ZFHX3: variants seen among roughly 807,000 people sequenced by gnomAD.
ZFHX3 encodes zinc finger homeobox 3.
ZFHX3 carries 42 observed loss-of-function variants against 279.1 expected under a neutral mutation model. The observed-to-expected ratio is 0.15, with a 90% confidence interval of 0.12 to 0.19. The LOEUF (loss-of-function observed/expected upper bound fraction) is 0.19, where lower values mean the gene tolerates loss of function less well. Among genes scored for constraint, ZFHX3 ranks in the 10% least tolerant of loss-of-function variants. The pLI is 1.00. For synonymous variants in ZFHX3, 2,293 were observed against 1,957.8 expected (o/e 1.17, Z -4.52); for missense variants, 4,981 against 4,754.0 (o/e 1.05, Z -1.40).
intron 3 of ZFHX3, among the ~76,000 whole-genome samples, chr16:73,318,753 A>G (rs967534679): frequency 1.3e-5 from 2 of 152,206 alleles, no homozygotes; most frequent in South Asian, 2.1e-4. Flanking sequence ...AACTAACGGT[A>G]TAATATCTTT....
intron 1 of ZFHX3, among the ~76,000 whole-genome samples, chr16:73,020,375 T>TAC (rs1222324766): frequency 6.8e-6 from 1 of 148,062 alleles, no homozygotes; most frequent in Non-Finnish European, 1.5e-5. Flanking sequence ...AGTAAAGACA[T>TAC]ACTTCTGATT....
At chr16:73,696,992 C>G (rs1011302600) in intron 1 of ZFHX3, among the ~76,000 whole-genome samples, 1 of 150,996 alleles carries the variant, frequency 6.6e-6, no homozygotes, top group Non-Finnish European at 1.5e-5. Flanking sequence ...AAAAGGGACA[C>G]GATAGTTAAT....
At chr16:73,105,423 A>G (rs112426385) in intron 7 of ZFHX3, among the ~76,000 whole-genome samples, 1 of 116,526 alleles carries the variant, frequency 8.6e-6, no homozygotes, top group African/African-American at 4.2e-5. Flanking sequence ...ACACACATAT[A>G]TATATATATA....
intron 1 of ZFHX3, among the ~76,000 whole-genome samples, chr16:73,727,849 G>A (rs932897812): frequency 6.6e-6 from 1 of 152,160 alleles, no homozygotes; most frequent in African/African-American, 2.4e-5. Flanking sequence ...TGGTCAAGGA[G>A]AAACCCCATT....
upstream of ZFHX3, among the ~76,000 whole-genome samples, chr16:73,048,860 G>T (rs1482649312): frequency 6.6e-6 from 1 of 152,168 alleles, no homozygotes; most frequent in Non-Finnish European, 1.5e-5. Context: ...GAAAAGGAGA[G>T]ATCACTAGAA....
rs557765951 is a variant in ZFHX3 at position 73,121,678 on chromosome 16, C to T, written c.-897+9290G>A. Among the ~76,000 whole-genome samples, 12 of 149,928 alleles carry T rather than the reference C, an allele frequency of 8.0e-5. No individual in the cohort carries two copies. The South Asian group carries it at 2.3e-3, about 29-fold the overall frequency. On this transcript the variant is annotated intron_variant, in intron 7 of 17. Transcript: ENST00000641206. ...TTGCCCAGGCTGGAGTGCAGTGGCTCGATCTCGGCTCACTGCAAGCTCTGC... is the reference window on the plus strand; with the variant it reads ...TTGCCCAGGCTGGAGTGCAGTGGCTTGATCTCGGCTCACTGCAAGCTCTGC...
chr16:73,739,224 G>C (rs1203009379), intron 1 of ZFHX3, among the ~76,000 whole-genome samples: 1 of 152,238 alleles, frequency 6.6e-6, no homozygotes, highest in Non-Finnish European at 1.5e-5. Context: ...ATACACAGGA[G>C]TTGTGCATTT....
At chr16:73,026,192 C>CAAAAAAAAAAAAA (rs60146795) in intron 1 of ZFHX3, among the ~76,000 whole-genome samples, 5 of 47,488 alleles carry the variant, frequency 1.1e-4, no homozygotes, top group Non-Finnish European at 1.5e-4. Context: ...ACAAAAAATA[C>CAAAAAAAAAAAAA]AAAAAAAAAA....
intron 3 of ZFHX3, among the ~76,000 whole-genome samples, chr16:73,452,524 T>C (rs944173103): frequency 2.0e-5 from 3 of 152,180 alleles, no homozygotes; most frequent in Non-Finnish European, 4.4e-5. Flanking sequence ...GCCAAAAATA[T>C]TGTCTTGTGA....
chr16:73,532,570 G>A (rs905493912), intron 2 of ZFHX3, among the ~76,000 whole-genome samples: 1 of 152,180 alleles, frequency 6.6e-6, no homozygotes, highest in African/African-American at 2.4e-5. Context: ...TGGTACATAA[G>A]AGGAGGGCTG....
At chr16:73,720,779 T>C (rs2053466508) in intron 1 of ZFHX3, among the ~76,000 whole-genome samples, 1 of 151,870 alleles carries the variant, frequency 6.6e-6, no homozygotes, top group East Asian at 1.9e-4. Context: ...CAACAAACGA[T>C]TACTGATAAT....
chr16:73,636,835 ATTAATCTATAACT>A (rs2052531068), intron 2 of ZFHX3, among the ~76,000 whole-genome samples: 1 of 152,224 alleles, frequency 6.6e-6, no homozygotes, highest in Non-Finnish European at 1.5e-5. Flanking sequence ...TTTCATGTAA[ATTAATCTATAACT>A]TTAGTATCAC....
chr16:73,216,981 C>T (rs920362309), intron 5 of ZFHX3, among the ~76,000 whole-genome samples: 3 of 152,140 alleles, frequency 2.0e-5, no homozygotes, highest in African/African-American at 7.2e-5. Context: ...CTTAAGTTCT[C>T]CCTTAGGATT....
At chr16:72,833,413 T>C (rs2037113086) in intron 4 of ZFHX3, among the ~76,000 whole-genome samples, 1 of 152,088 alleles carries the variant, frequency 6.6e-6, no homozygotes, top group Non-Finnish European at 1.5e-5. Flanking sequence ...GGCTGCAGAT[T>C]TTTTTCCCCT....
chr16:72,812,152 C>A, intron 5 of ZFHX3, 114 bp from the exon 6 acceptor site: 1 of 1,403,904 alleles, frequency 7.1e-7, no homozygotes, highest in East Asian at 2.5e-5. Context: ...CTTAAAACAC[C>A]AAAATTCAAG....
chr16:72,798,863 GAGCGCCT>G, intron 8 of ZFHX3, 149 bp from the exon 9 acceptor site: 1 of 1,371,170 alleles, frequency 7.3e-7, no homozygotes, highest in Non-Finnish European at 9.5e-7. Flanking sequence ...AATCTCTGCG[GAGCGCCT>G]CCTGCTTTCT....
At chr16:72,883,443 C>G (rs180910604) in intron 4 of ZFHX3, among the ~76,000 whole-genome samples, 19 of 152,300 alleles carry the variant, frequency 1.2e-4, no homozygotes, top group African/African-American at 4.1e-4. Flanking sequence ...TGCCACACAT[C>G]TGACATTCTG....
At chr16:73,835,766 C>A (rs1450227739) in intron 1 of ZFHX3, among the ~76,000 whole-genome samples, 2 of 152,026 alleles carry the variant, frequency 1.3e-5, no homozygotes, top group Admixed American at 1.3e-4. Flanking sequence ...CCACCACGCC[C>A]GGCCTCCACT....
intron 4 of ZFHX3, among the ~76,000 whole-genome samples, chr16:73,304,791 A>G (rs2015141690): frequency 6.6e-6 from 1 of 152,162 alleles, no homozygotes; most frequent in African/African-American, 2.4e-5. Context: ...CCTCTCTAAG[A>G]GCAGCCTCCA....
Sources: allele counts gnomAD v4.1 joint callset (sites outside exome capture counted in the v4.1 genomes callset), GRCh38; gene constraint gnomAD v4.1.1; transcripts MANE v1.5; gene names NCBI Gene and HGNC (gene_info 2026-07-23, HGNC 2026-07-21).